GPR89A: variants seen among roughly 807,000 people sequenced by gnomAD.
GPR89A encodes the protein golgi pH regulator A, also known as G protein-coupled receptor 89A.
GPR89A carries 16 observed loss-of-function variants against 52.0 expected under a neutral mutation model. The ratio of observed to expected loss-of-function variants is 0.31; its 90% CI spans 0.21 to 0.47. GPR89A has a LOEUF of 0.47. Among genes scored for constraint, GPR89A ranks in the 20% least tolerant of loss-of-function variants. The pLI, the probability that GPR89A is intolerant of heterozygous loss-of-function variation, is 1.00. For synonymous variants in GPR89A, 55 were observed against 150.9 expected (o/e 0.36, Z 4.66); for missense variants, 135 against 449.4 (o/e 0.30, Z 6.33).
In GPR89A at chr1:145,648,476, G is replaced by A. The variant is rs587629042; in HGVS notation, c.909+1209G>A. ...GTATTTTCCTAAGATGCAGCCTTTAGGGAAGCATGTCTTTTTTTTTTTAGA... is the reference window on the plus strand; with the variant it reads ...GTATTTTCCTAAGATGCAGCCTTTAAGGAAGCATGTCTTTTTTTTTTTAGA... On this transcript the variant is annotated intron_variant, in intron 10 of 13. Coordinates refer to ENST00000313835, the MANE Select transcript of GPR89A (RefSeq NM_001097612.2). Among the ~76,000 whole-genome samples, 5 of 105,664 alleles carry A rather than the reference G, an allele frequency of 4.7e-5. No individual in the cohort carries two copies. The South Asian group carries it at 1.9e-3, about 40-fold the overall frequency. The allele number at this position is 105,664 out of a possible 152,430, so 69.3% of individuals were successfully genotyped here. A position where few individuals can be genotyped will look rare whatever the true frequency, so the allele number is the denominator to read the frequency against.
chr1:145,629,938 A>G (rs1408541861), intron 5 of GPR89A, among the ~76,000 whole-genome samples: 15 of 152,218 alleles, frequency 9.9e-5, no homozygotes, highest in South Asian at 2.1e-4. Context: ...AGTGAATTCT[A>G]TCCTAGAAAT....
At chr1:145,647,786 A>G in intron 10 of GPR89A, among the ~76,000 whole-genome samples, 1 of 110,412 alleles carries the variant, frequency 9.1e-6, no homozygotes, top group African/African-American at 3.7e-5. Flanking sequence ...GCCTGGGGAG[A>G]GGGCGAGACT....
intron 7 of GPR89A, among the ~76,000 whole-genome samples, chr1:145,632,654 A>T (rs377188636): frequency 6.6e-6 from 1 of 152,244 alleles, no homozygotes. Context: ...GTTGCTGCAC[A>T]TATAGATTGA....
Position 145,655,620 on chromosome 1 carries a change from TGGA to T in GPR89A, c.910-7706_910-7704del, listed in dbSNP as rs1298359070. Among the ~76,000 whole-genome samples, 4 of 152,314 alleles carry T rather than the reference TGGA, an allele frequency of 2.6e-5. 1 individual carries two copies. The East Asian group carries it at 7.7e-4, about 29-fold the overall frequency. The stretch of plus-strand genomic sequence containing the variant: ...TACTCGCCTGGGTCCCTCTCGCACC[TGGA>T]GGTATTACCAGTGGAGGCTGCAGAA... On this transcript the variant is annotated intron_variant, in intron 10 of 13. Coordinates refer to ENST00000313835, the MANE Select transcript of GPR89A (RefSeq NM_001097612.2).
Position 145,669,836 on chromosome 1 carries a change from C to T in GPR89A, c.1164C>T (p.Gly388=). 1 of 1,423,308 alleles carries T rather than the reference C, an allele frequency of 7.0e-7. No homozygotes were observed. The allele number at this position is 1,423,308 out of a possible 1,614,324, so 88.2% of individuals were successfully genotyped here. ...VIVLLLAQIM[G]MYFVSSVLLI... is the part of the protein sequence containing the mutation. The stretch of plus-strand genomic sequence containing the variant: ...GGATTAATTCATTTGACTTACAGGG[C>T]ATGTACTTTGTCTCCTCTGTGCTGC... Residue 388 remains glycine, a splice_region_variant and synonymous_variant, in exon 14 of 14, where the codon GGC becomes GGT. Coordinates refer to ENST00000313835, the MANE Select transcript of GPR89A (RefSeq NM_001097612.2).
In GPR89A at chr1:145,663,328, G is replaced by T; in HGVS notation, c.910-1G>T. On this transcript the variant is annotated splice_acceptor_variant, in intron 10 of 13. Coordinates refer to ENST00000313835, the MANE Select transcript of GPR89A (RefSeq NM_001097612.2). LOFTEE classifies it high-confidence loss of function. Reference sequence around the variant, plus strand: ...CAAGGTAAAAATCTGCATCTTTGCAGGCTACCATCAATATTGTTTTTGATC... The same window carrying T: ...CAAGGTAAAAATCTGCATCTTTGCATGCTACCATCAATATTGTTTTTGATC... 6.2e-7 allele frequency: 1 copy of T among 1,609,898 alleles called. No individual in the cohort carries two copies. The highest frequency in any genetic ancestry group is 8.5e-7 in the Non-Finnish European group (1 of 1,178,830).
intron 10 of GPR89A, among the ~76,000 whole-genome samples, chr1:145,662,910 A>G (rs1282006816): frequency 1.3e-5 from 2 of 150,246 alleles, no homozygotes; most frequent in Non-Finnish European, 3.0e-5. Context: ...TCCATTTGAT[A>G]TCGTTTGTTG....
intron 8 of GPR89A, chr1:145,645,527 G>T (rs1650922839): frequency 4.4e-6 from 2 of 452,494 alleles, no homozygotes; most frequent in Admixed American, 2.4e-5. Context: ...CTACCTGATT[G>T]AGTTCTTGGA....
At chr1:145,615,106 A>C (rs1648577228) in intron 1 of GPR89A, among the ~76,000 whole-genome samples, 1 of 152,218 alleles carries the variant, frequency 6.6e-6, no homozygotes, top group Admixed American at 6.5e-5. Flanking sequence ...CAGCTTTATC[A>C]GCTGTCATGT....
intron 1 of GPR89A, among the ~76,000 whole-genome samples, chr1:145,609,549 G>C (rs1209491406): frequency 6.6e-6 from 1 of 152,064 alleles, no homozygotes; most frequent in African/African-American, 2.4e-5. Flanking sequence ...TGACAACTCA[G>C]GGTTATTTTT....
chr1:145,609,142 T>C (rs1553685676), intron 1 of GPR89A, among the ~76,000 whole-genome samples: 1 of 152,152 alleles, frequency 6.6e-6, no homozygotes. Context: ...ATAAAGATTT[T>C]GTGTGTGTGT....
At chr1:145,645,638 C>T (rs1428859121) in intron 8 of GPR89A, 4 of 453,768 alleles carry the variant, frequency 8.8e-6, no homozygotes, top group South Asian at 6.2e-5. Context: ...AGTTATTTAA[C>T]TCTCTGAGCT....
chr1:145,647,720 G>A (rs1241671432), intron 10 of GPR89A, among the ~76,000 whole-genome samples: 2 of 147,914 alleles, frequency 1.4e-5, no homozygotes, highest in African/African-American at 5.0e-5. Context: ...CAGGAGAATC[G>A]CTTGAACCCG....
At chr1:145,643,638 G>A (rs1380287896) in intron 7 of GPR89A, among the ~76,000 whole-genome samples, 1 of 151,686 alleles carries the variant, frequency 6.6e-6, no homozygotes, top group East Asian at 1.9e-4. Context: ...AGCAGAGCCA[G>A]TCCTCAAATT....
intron 10 of GPR89A, among the ~76,000 whole-genome samples, chr1:145,647,807 C>G (rs1553692868): frequency 2.5e-3 from 1 of 394 alleles, no homozygotes; most frequent in African/African-American, 2.9e-3. Context: ...CCATCTCTCT[C>G]TCTCTCTTCG....
chr1:145,640,091 C>T (rs1351717710), intron 7 of GPR89A, among the ~76,000 whole-genome samples: 1 of 151,482 alleles, frequency 6.6e-6, no homozygotes, highest in African/African-American at 2.4e-5. Flanking sequence ...TGGTGGCGGG[C>T]ACCTGTAATC....
At chr1:145,634,239 C>A (rs1650067455) in intron 7 of GPR89A, among the ~76,000 whole-genome samples, 1 of 151,910 alleles carries the variant, frequency 6.6e-6, no homozygotes, top group Admixed American at 6.6e-5. Context: ...ACCACCACAC[C>A]CAGCTTATTT....
At chr1:145,662,827 C>T (rs1325688460) in intron 10 of GPR89A, among the ~76,000 whole-genome samples, 1 of 136,496 alleles carries the variant, frequency 7.3e-6, no homozygotes, top group Non-Finnish European at 1.6e-5. Context: ...TTTCATTGGT[C>T]CCATCTGTTC....
chr1:145,655,913 C>T (rs1460951721), intron 10 of GPR89A, among the ~76,000 whole-genome samples: 3 of 151,768 alleles, frequency 2.0e-5, no homozygotes, highest in Non-Finnish European at 4.4e-5. Flanking sequence ...ACCACGAAGA[C>T]GATAGTCACC....
Sources: allele counts gnomAD v4.1 joint callset (sites outside exome capture counted in the v4.1 genomes callset), GRCh38; gene constraint gnomAD v4.1.1; transcripts MANE v1.5; gene names NCBI Gene and HGNC (gene_info 2026-07-23, HGNC 2026-07-21).